Variants in SPTA1 observed in about 807,000 individuals in gnomAD.
The protein encoded by SPTA1 is spectrin alpha chain, erythrocytic 1.
In SPTA1, 177 loss-of-function variants were observed where a neutral mutation model predicts 324.7. That is an observed-to-expected ratio of 0.55 (90% CI 0.48 to 0.62). The LOEUF (loss-of-function observed/expected upper bound fraction) is 0.62. Among genes scored for constraint, SPTA1 ranks in the 20% least tolerant of loss-of-function variants. SPTA1 has a pLI of 0.00. For missense variants in SPTA1, 3,162 were observed against 2,883.6 expected (o/e 1.10, Z -2.21); for synonymous variants, 1,195 against 1,041.3 (o/e 1.15, Z -2.84).
At chr1:158,661,248 T>G in intron 18 of SPTA1, 39 bp downstream of exon 18, 2 of 1,613,680 alleles carry the variant, frequency 1.2e-6, no homozygotes, top group Non-Finnish European at 1.7e-6. Context: ...AGGTCTGGCC[T>G]GGTGATGTTT....
At chr1:158,685,450 G>A (rs939467252) in intron 1 of SPTA1, 103 bp from the exon 2 acceptor site, 2 of 1,521,502 alleles carry the variant, frequency 1.3e-6, no homozygotes, top group Non-Finnish European at 1.8e-6. Context: ...CCTATATTCA[G>A]ATATCCTGAA....
chr1:158,622,677 T>G lies in SPTA1; in HGVS notation c.6120+306A>C, dbSNP rs1039374037. On this transcript the variant is annotated intron_variant, in intron 43 of 51. Coordinates refer to ENST00000643759, the MANE Select transcript of SPTA1 (RefSeq NM_003126.4). ...GGAAAAGTACAGGGACAACCTTGAC[T>G]TTTGCCTGACAGTTTTAATTCTATC... is the stretch of plus-strand genomic sequence containing the variant. 3.7e-5 allele frequency: 7 copies of G among 189,306 alleles called. No individual in the cohort carries two copies. In the Admixed American group the frequency reaches 4.8e-4, roughly 13 times the overall value. The allele number at this position is 189,306 out of a possible 1,614,324, so 11.7% of individuals were successfully genotyped here.
At chr1:158,618,215 C>T in intron 45 of SPTA1, 159 bp from the exon 46 acceptor site, 1 of 730,334 alleles carries the variant, frequency 1.4e-6, no homozygotes, top group African/African-American at 1.8e-5. Flanking sequence ...GTTCCCAAGG[C>T]CTCTCCCACT....
chr1:158,621,966 G>A (rs1367430619), intron 43 of SPTA1, among the ~76,000 whole-genome samples: 1 of 152,170 alleles, frequency 6.6e-6, no homozygotes, highest in Non-Finnish European at 1.5e-5. Context: ...CCGGGATCAC[G>A]CCGTTCTCCT....
chr1:158,635,733 G>A (rs774344551), intron 38 of SPTA1, among the ~76,000 whole-genome samples, 180 bp downstream of exon 38: 1 of 152,168 alleles, frequency 6.6e-6, no homozygotes, highest in African/African-American at 2.4e-5. Flanking sequence ...AGTGATCATC[G>A]TGTCTGGGGT....
At chr1:158,635,838 A>C (rs982224750) in intron 38 of SPTA1, 75 bp downstream of exon 38, 1 of 1,606,710 alleles carries the variant, frequency 6.2e-7, no homozygotes, top group South Asian at 1.1e-5. Flanking sequence ...CTGAGCAGGC[A>C]CTTAAGTATC....
At chr1:158,613,010 A>T in intron 50 of SPTA1, 49 bp from the exon 51 acceptor site, 1 of 1,599,610 alleles carries the variant, frequency 6.3e-7, no homozygotes, top group Non-Finnish European at 8.6e-7. Flanking sequence ...GCAGAGAAGG[A>T]AGTCCCCTTT....
At chr1:158,663,518 G>T (rs758221805) in intron 16 of SPTA1, among the ~76,000 whole-genome samples, 16 of 152,172 alleles carry the variant, frequency 1.1e-4, no homozygotes, top group Non-Finnish European at 8.8e-5. Flanking sequence ...GAGAGATACA[G>T]AAACAGGATT....
At position 158,674,398 on chromosome 1, in the gene SPTA1, T is replaced by G; in HGVS notation, c.1281A>C (p.Gln427His). 6.2e-7 allele frequency: 1 copy of G among 1,614,126 alleles called. No homozygotes were observed. Among genetic ancestry groups the G allele is most frequent in the Non-Finnish European group, 8.5e-7 (1 of 1,179,972 alleles). Residue 427 changes from glutamine (Q) to histidine (H), a missense_variant, in exon 10 of 52, where the codon CAA (glutamine) becomes CAC (histidine). Transcript: ENST00000643759. ...GGTCTTGACCAGTCTCATCAGCAGA[T>G]TGAAATCGGTCATCGTAAGAGTCAA... Reference protein sequence around the residue: ...HEIDSYDDRFQSADETGQDLV... With the variant: ...HEIDSYDDRFHSADETGQDLV...
Position 158,636,725 on chromosome 1 carries a change from C to T in SPTA1, c.5226G>A (p.Gly1742=), listed in dbSNP as rs770623600. ...KLIRVSSQDY[G]RDLQGVQNLL... ...AGTTCTGAACCCCCTGAAGATCTCT[C>T]CCATAGTCCTGGGAGCTCACTCGTA... is the stretch of plus-strand genomic sequence containing the variant. Residue 1742 remains glycine, a synonymous_variant, in exon 37 of 52, where the codon GGG becomes GGA. Coordinates refer to ENST00000643759, the MANE Select transcript of SPTA1 (RefSeq NM_003126.4). The T allele has an allele frequency of 1.5e-5, 25 of 1,614,002 alleles. No homozygotes were observed. The East Asian group carries it at 5.1e-4, about 33-fold the overall frequency.
intron 48 of SPTA1, 50 bp from the exon 49 acceptor site, chr1:158,614,356 T>C (rs775670205): frequency 5.5e-5 from 70 of 1,281,046 alleles, no homozygotes; most frequent in Admixed American, 4.5e-4. Flanking sequence ...GAAACACAGG[T>C]TAGCAGAACA....
At chr1:158,653,629 T>C (rs114344059) in intron 21 of SPTA1, among the ~76,000 whole-genome samples, 1,939 of 152,228 alleles carry the variant, frequency 0.013, 42 homozygotes, top group African/African-American at 0.045. Flanking sequence ...AATCAAGTAA[T>C]CTGATACCTA....
rs1131691810 is a variant in SPTA1, at chr1:158,677,811, C to T, written c.836G>A (p.Trp279Ter). 1.9e-6 allele frequency: 3 copies of T among 1,613,622 alleles called. No homozygotes were observed. Among genetic ancestry groups the T allele is most frequent in the Non-Finnish European group, 2.5e-6 (3 of 1,179,698 alleles). Reference protein sequence around the residue: ...FKRDVTEAIQWIKEKEPVLTS... With the variant: ...FKRDVTEAIQ Reference sequence around the variant, plus strand: ...GAGTACAGGTTCCTTCTCCTTGATCCACTGGATGGCTTCAGTCACATCCCT... The same window carrying T: ...GAGTACAGGTTCCTTCTCCTTGATCTACTGGATGGCTTCAGTCACATCCCT... Residue 279 changes from tryptophan (W) to a stop codon, truncating the protein, a stop_gained, in exon 7 of 52, where the codon TGG becomes TAG. Transcript: ENST00000643759. LOFTEE classifies it high-confidence loss of function.
chr1:158,634,574 C>A lies in SPTA1; in HGVS notation c.5534G>T (p.Gly1845Val). Residue 1845 changes from glycine (G) to valine (V), a missense_variant, in exon 39 of 52, where the codon GGA (glycine) becomes GTA (valine). Gly to Val is a moderately radical substitution (Grantham distance 109, BLOSUM62 -3). Transcript: ENST00000643759. ...AGCAGCTAATGTATCTCCACAATCT[C>A]CTCGGACAGCCAAAGCATTCTTTTC... ...INEKNALAVR[G>V]DCGDTLAATQ... 1 of 1,614,120 alleles carries A rather than the reference C, an allele frequency of 6.2e-7. No individual in the cohort carries two copies. Among genetic ancestry groups the A allele is most frequent in the Non-Finnish European group, 8.5e-7 (1 of 1,180,034 alleles).
chr1:158,620,830 T>C (rs1370293689), intron 43 of SPTA1: 4 of 112,924 alleles, frequency 3.5e-5, no homozygotes, highest in African/African-American at 1.5e-4. Flanking sequence ...ACCCGGCAAG[T>C]AGTAAACATG....
At chr1:158,635,052 C>T (rs141542722) in intron 38 of SPTA1, among the ~76,000 whole-genome samples, 130 of 149,466 alleles carry the variant, frequency 8.7e-4, no homozygotes, top group African/African-American at 3.1e-3. Flanking sequence ...GAAGACACCA[C>T]GAAGTGCCAG....
At chr1:158,632,905 A>G (rs1571404337) in intron 39 of SPTA1, among the ~76,000 whole-genome samples, 2 of 152,144 alleles carry the variant, frequency 1.3e-5, no homozygotes, top group South Asian at 4.1e-4. Flanking sequence ...TCTCATAGTC[A>G]TCAAAAAGTG....
chr1:158,667,220 G>A (rs1311507631), intron 15 of SPTA1, among the ~76,000 whole-genome samples: 1 of 152,128 alleles, frequency 6.6e-6, no homozygotes, highest in Non-Finnish European at 1.5e-5. Context: ...TATGTTTATA[G>A]ATGATGTTTA....
intron 7 of SPTA1, 93 bp from the exon 8 acceptor site, chr1:158,676,388 T>G: frequency 1.5e-6 from 2 of 1,318,262 alleles, no homozygotes; most frequent in Non-Finnish European, 2.1e-6. Context: ...ATCATATGAA[T>G]AATAATAATT....
Sources: gnomAD v4.1 joint callset for allele counts (sites outside exome capture counted in the v4.1 genomes callset) on GRCh38, gnomAD v4.1.1 for gene constraint, MANE v1.5 for transcripts, NCBI Gene and HGNC (gene_info 2026-07-23, HGNC 2026-07-21) for gene names.